Variants in ADAMTS18 observed in about 807,000 individuals in gnomAD.
ADAMTS18 encodes A disintegrin and metalloproteinase with thrombospondin motifs 18.
Under a neutral mutation model 165.9 loss-of-function variants are expected in ADAMTS18, and 157 were observed. The ratio of observed to expected loss-of-function variants is 0.95; its 90% CI spans 0.83 to 1.08. The LOEUF (loss-of-function observed/expected upper bound fraction) is 1.08. Among genes scored for constraint, ADAMTS18 ranks in the 50% least tolerant of loss-of-function variants. The probability of loss-of-function intolerance (pLI) is 0.00; values close to 1 mark genes in which losing one functional copy is unlikely to be tolerated. For synonymous variants in ADAMTS18, 782 were observed against 578.2 expected (o/e 1.35, Z -5.06); for missense variants, 2,040 against 1,534.0 (o/e 1.33, Z -5.51).
chr16:77,431,161 A>C, intron 3 of ADAMTS18, 134 bp downstream of exon 3: 6 of 903,988 alleles, frequency 6.6e-6, no homozygotes, highest in Middle Eastern at 2.5e-4. Context: ...TCAATTGAGA[A>C]TATTAGAAGT....
In ADAMTS18 at chr16:77,434,512, G is replaced by A. The variant is rs1158011449; in HGVS notation, c.91-7C>T. The A allele has an allele frequency of 6.4e-6, 10 of 1,552,720 alleles. No individual in the cohort carries two copies. The highest frequency in any genetic ancestry group is 3.3e-4 in the Middle Eastern group (2 of 6,018). On this transcript the variant is annotated splice_region_variant and splice_polypyrimidine_tract_variant and intron_variant, in intron 1 of 22. Transcript: ENST00000282849. ...GGCAGCACAGCTGGAGCGCCTGCAA[G>A]AGAAAAGGTGACATCGCGCGTGAGG...
At chr16:77,366,797 ACT>A (rs1262124134) in intron 4 of ADAMTS18, among the ~76,000 whole-genome samples, 2 of 152,162 alleles carry the variant, frequency 1.3e-5, no homozygotes, top group Non-Finnish European at 2.9e-5. Context: ...AAATAATGTA[ACT>A]CTCTAATAAT....
At chr16:77,327,366 T>A (rs1161382907) in intron 12 of ADAMTS18, among the ~76,000 whole-genome samples, 1 of 152,172 alleles carries the variant, frequency 6.6e-6, no homozygotes, top group Non-Finnish European at 1.5e-5. Context: ...CAAAGTCCAA[T>A]GTATCATTCT....
intron 4 of ADAMTS18, among the ~76,000 whole-genome samples, chr16:77,366,983 C>T (rs1013812781): frequency 6.6e-6 from 1 of 152,060 alleles, no homozygotes; most frequent in Non-Finnish European, 1.5e-5. Flanking sequence ...GGTCTGGAAA[C>T]GGCCGAAGGT....
At chr16:77,367,401 C>A in intron 4 of ADAMTS18, 40 bp downstream of exon 4, 1 of 1,612,664 alleles carries the variant, frequency 6.2e-7, no homozygotes, top group Non-Finnish European at 8.5e-7. Flanking sequence ...CCTGTCGAGG[C>A]CCACATAAGA....
chr16:77,306,385 G>A (rs1036039727), intron 16 of ADAMTS18, among the ~76,000 whole-genome samples: 5 of 152,206 alleles, frequency 3.3e-5, no homozygotes, highest in African/African-American at 1.2e-4. Context: ...ACAACTCTCT[G>A]AAGGAAGGGG....
rs1357226721 is a variant in ADAMTS18 at position 77,326,093 on chromosome 16, T to TG, written c.1860-56_1860-55insC. The TG allele has an allele frequency of 2.6e-6, 4 of 1,531,044 alleles. No homozygotes were observed. In the African/African-American group the frequency reaches 5.5e-5, roughly 21 times the overall value. The allele number at this position is 1,531,044 out of a possible 1,614,324, so 94.8% of individuals were successfully genotyped here. A position where few individuals can be genotyped will look rare whatever the true frequency, so the allele number is the denominator to read the frequency against. ...TAGTAATCAAAGGGCTCATTATTAG[T>TG]CACATGCAATAATATGAAGAGAGGC... On this transcript the variant is annotated intron_variant, in intron 12 of 22. Transcript: ENST00000282849.
Position 77,362,354 on chromosome 16 carries a change from A to C in ADAMTS18, c.1057-90T>G. 7 of 1,439,626 alleles carry C rather than the reference A, an allele frequency of 4.9e-6. No homozygotes were observed. The South Asian group carries it at 7.0e-5, about 14-fold the overall frequency. The allele number at this position is 1,439,626 out of a possible 1,614,324, so 89.2% of individuals were successfully genotyped here. ...CATTTGTACAGGCAAACACAGAAACATATTTCTAGGGAAAAAGATCAGTAA... is the reference window on the plus strand; with the variant it reads ...CATTTGTACAGGCAAACACAGAAACCTATTTCTAGGGAAAAAGATCAGTAA... On this transcript the variant is annotated intron_variant, in intron 6 of 22. Coordinates refer to ENST00000282849, the MANE Select transcript of ADAMTS18 (RefSeq NM_199355.4).
intron 15 of ADAMTS18, among the ~76,000 whole-genome samples, chr16:77,320,872 G>A (rs2055984589): frequency 6.6e-6 from 1 of 152,128 alleles, no homozygotes; most frequent in East Asian, 1.9e-4. Flanking sequence ...AAGCAGAAAG[G>A]CATTTATTTG....
Position 77,291,344 on chromosome 16 carries a change from C to CTCTT in ADAMTS18, c.3320_3323dup (p.Thr1109ArgfsTer66). 1 of 1,614,224 alleles carries CTCTT rather than the reference C, an allele frequency of 6.2e-7. No homozygotes were observed. Among genetic ancestry groups the CTCTT allele is most frequent in the Non-Finnish European group, 8.5e-7 (1 of 1,180,032 alleles). Reference sequence around the variant, plus strand: ...CTGGGCAAGCCCGTCGGTTGCAGGTCTCTTCCAAGTCCAGATTTGGTTTCT... The same window carrying CTCTT: ...CTGGGCAAGCCCGTCGGTTGCAGGTCTCTTTCTTCCAAGTCCAGATTTGGTTTCT... On this transcript the variant is annotated frameshift_variant, in exon 21 of 23. Coordinates refer to ENST00000282849, the MANE Select transcript of ADAMTS18 (RefSeq NM_199355.4). LOFTEE classifies it high-confidence loss of function.
chr16:77,391,732 A>G (rs918821841), intron 3 of ADAMTS18, among the ~76,000 whole-genome samples: 4 of 152,006 alleles, frequency 2.6e-5, no homozygotes, highest in Non-Finnish European at 5.9e-5. Context: ...AAGAACTACA[A>G]CTCTACTCGA....
chr16:77,412,600 G>T (rs776669684), intron 3 of ADAMTS18, among the ~76,000 whole-genome samples: 4 of 152,078 alleles, frequency 2.6e-5, no homozygotes, highest in Non-Finnish European at 5.9e-5. Flanking sequence ...AAGTTTAAGG[G>T]GCTCACAGTT....
chr16:77,321,068 G>C lies in ADAMTS18; in HGVS notation c.2287+11C>G, dbSNP rs1002853670. 6.2e-7 allele frequency: 1 copy of C among 1,614,128 alleles called. No individual in the cohort carries two copies. The highest frequency in any genetic ancestry group is 8.5e-7 in the Non-Finnish European group (1 of 1,179,994). On this transcript the variant is annotated intron_variant, in intron 15 of 22. Transcript: ENST00000282849. The stretch of plus-strand genomic sequence containing the variant: ...ATCTCATTAACAATAACAAACAGCA[G>C]CATCTCTCACCATTTGCTTTATGCT...
chr16:77,423,835 CA>C (rs2144853684), intron 3 of ADAMTS18, among the ~76,000 whole-genome samples: 1 of 152,258 alleles, frequency 6.6e-6, no homozygotes, highest in East Asian at 1.9e-4. Context: ...TCAAAGTGTT[CA>C]TTTCCTGTTC....
chr16:77,312,989 A>G (rs1474851835), intron 16 of ADAMTS18, among the ~76,000 whole-genome samples: 5 of 152,184 alleles, frequency 3.3e-5, no homozygotes, highest in Non-Finnish European at 5.9e-5. Context: ...AAAGACACAC[A>G]CACACGTATA....
chr16:77,324,726 AG>A (rs1380884702), intron 13 of ADAMTS18, among the ~76,000 whole-genome samples: 6 of 152,262 alleles, frequency 3.9e-5, no homozygotes, highest in Admixed American at 6.5e-5. Context: ...GAATGTTCTC[AG>A]CCCTTGAATT....
chr16:77,409,297 T>C (rs887206315), intron 3 of ADAMTS18, among the ~76,000 whole-genome samples: 1 of 152,140 alleles, frequency 6.6e-6, no homozygotes, highest in Non-Finnish European at 1.5e-5. Flanking sequence ...CCTTGCAAAC[T>C]AAGTGGCCAC....
Position 77,319,976 on chromosome 16 carries a change from C to G in ADAMTS18, c.2405G>C (p.Gly802Ala), listed in dbSNP as rs1428556112. ...CCCAGGCCAGTCGATGCTCCAGCCC[C>G]CGGTGAGGTAATACTTTTGACTGAG... Reference protein sequence around the residue: ...RSLSQKYYLTGGWSIDWPGEF... With the variant: ...RSLSQKYYLTAGWSIDWPGEF... Residue 802 changes from glycine (G) to alanine (A), a missense_variant, in exon 16 of 23, where the codon GGG becomes GCG. Physicochemically the swap from Gly to Ala is moderately conservative, Grantham distance 60 (BLOSUM62 0). Transcript: ENST00000282849. 1 of 1,614,178 alleles carries G rather than the reference C, an allele frequency of 6.2e-7. No homozygotes were observed. The highest frequency in any genetic ancestry group is 8.5e-7 in the Non-Finnish European group (1 of 1,180,034).
At chr16:77,419,579 G>A (rs1297034798) in intron 3 of ADAMTS18, among the ~76,000 whole-genome samples, 1 of 152,086 alleles carries the variant, frequency 6.6e-6, no homozygotes, top group African/African-American at 2.4e-5. Context: ...AGACCTACCT[G>A]GAAAATCTTC....
Sources: allele counts gnomAD v4.1 joint callset (sites outside exome capture counted in the v4.1 genomes callset), GRCh38; gene constraint gnomAD v4.1.1; transcripts MANE v1.5; gene names NCBI Gene and HGNC (gene_info 2026-07-23, HGNC 2026-07-21).